PTPRG: variants seen among roughly 807,000 people sequenced by gnomAD.
PTPRG encodes the protein receptor-type tyrosine-protein phosphatase gamma.
Under a neutral mutation model 165.3 loss-of-function variants are expected in PTPRG, and 102 were observed. The observed-to-expected ratio is 0.62, with a 90% CI of 0.53 to 0.73. PTPRG has a LOEUF of 0.73. Ranked by LOEUF, PTPRG falls within the 30% of genes least tolerant of loss-of-function variation. PTPRG has a pLI of 0.00. For synonymous variants in PTPRG, 675 were observed against 669.5 expected, an observed-to-expected ratio of 1.01 and a Z score of -0.13; for missense variants, 1,866 against 1,861.4, an observed-to-expected ratio of 1.00 and a Z score of -0.05.
At chr3:62,005,900 A>G (rs1036853177) in intron 4 of PTPRG, among the ~76,000 whole-genome samples, 4 of 151,712 alleles carry the variant, frequency 2.6e-5, no homozygotes, top group Non-Finnish European at 4.4e-5. Context: ...ACAAGGTTTT[A>G]CCATGTTCGC....
chr3:62,101,417 A>G (rs1184888628), intron 5 of PTPRG, among the ~76,000 whole-genome samples: 1 of 152,258 alleles, frequency 6.6e-6, no homozygotes, highest in Non-Finnish European at 1.5e-5. Context: ...TACCATGCCA[A>G]AGAATAACTG....
At chr3:61,624,150 G>A (rs1315572018) in intron 1 of PTPRG, among the ~76,000 whole-genome samples, 1 of 152,132 alleles carries the variant, frequency 6.6e-6, no homozygotes, top group Non-Finnish European at 1.5e-5. Context: ...CCCTGTCCCA[G>A]TATGGGTTGG....
At chr3:61,680,644 A>G (rs1185516160) in intron 1 of PTPRG, among the ~76,000 whole-genome samples, 3 of 150,422 alleles carry the variant, frequency 2.0e-5, no homozygotes, top group Non-Finnish European at 3.0e-5. Context: ...TCAAGGGGGA[A>G]AAAAAAAAGA....
At chr3:61,932,421 A>G (rs1201911609) in intron 2 of PTPRG, among the ~76,000 whole-genome samples, 1 of 152,246 alleles carries the variant, frequency 6.6e-6, no homozygotes, top group Admixed American at 6.5e-5. Context: ...GGGAACATGT[A>G]GGAGACTATG....
chr3:62,039,042 C>T (rs890269013), intron 4 of PTPRG, among the ~76,000 whole-genome samples: 1 of 152,166 alleles, frequency 6.6e-6, no homozygotes, highest in Non-Finnish European at 1.5e-5. Flanking sequence ...TCAGGCAATT[C>T]TCTTGCTTCA....
At chr3:61,772,283 G>T (rs1374806844) in intron 2 of PTPRG, among the ~76,000 whole-genome samples, 1 of 151,964 alleles carries the variant, frequency 6.6e-6, no homozygotes, top group Non-Finnish European at 1.5e-5. Flanking sequence ...GTTTAGTGTT[G>T]AATGAGGAAT....
At chr3:62,216,427 T>C (rs1700506465) in intron 12 of PTPRG, among the ~76,000 whole-genome samples, 2 of 152,096 alleles carry the variant, frequency 1.3e-5, no homozygotes, top group African/African-American at 4.8e-5. Flanking sequence ...GAGTCCCTCC[T>C]GTACCCAAGG....
At chr3:62,078,353 C>G (rs1247823962) in intron 5 of PTPRG, 95 bp downstream of exon 5, 1 of 746,132 alleles carries the variant, frequency 1.3e-6, no homozygotes, top group Non-Finnish European at 2.2e-6. Context: ...CATCTGTTTT[C>G]TAGTTCACAC....
intron 2 of PTPRG, among the ~76,000 whole-genome samples, chr3:61,778,884 AG>A (rs1004060420): frequency 6.6e-6 from 1 of 152,096 alleles, no homozygotes; most frequent in Non-Finnish European, 1.5e-5. Flanking sequence ...CTAGCATCTG[AG>A]TGCAGACCCT....
intron 2 of PTPRG, among the ~76,000 whole-genome samples, chr3:61,818,937 G>A (rs574196073): frequency 4.0e-5 from 6 of 151,674 alleles, no homozygotes; most frequent in African/African-American, 1.5e-4. Flanking sequence ...TATTTAAAGG[G>A]CCACTATGTT....
At chr3:61,814,886 A>G (rs1299264210) in intron 2 of PTPRG, among the ~76,000 whole-genome samples, 1 of 151,922 alleles carries the variant, frequency 6.6e-6, no homozygotes, top group Non-Finnish European at 1.5e-5. Flanking sequence ...CAACTCTATC[A>G]GGAAGCTAGC....
intron 5 of PTPRG, among the ~76,000 whole-genome samples, chr3:62,099,301 T>C (rs1188190789): frequency 2.0e-5 from 3 of 152,220 alleles, no homozygotes; most frequent in Non-Finnish European, 4.4e-5. Flanking sequence ...TGGAATGTCA[T>C]TTTTTGATTC....
intron 2 of PTPRG, among the ~76,000 whole-genome samples, chr3:61,839,097 A>G (rs1033150035): frequency 1.3e-5 from 2 of 152,228 alleles, no homozygotes; most frequent in African/African-American, 4.8e-5. Context: ...TCTAAAACCA[A>G]CAAGGCATAT....
At chr3:62,283,113 A>ATATC (rs980113119) in intron 28 of PTPRG, among the ~76,000 whole-genome samples, 1 of 152,110 alleles carries the variant, frequency 6.6e-6, no homozygotes, top group African/African-American at 2.4e-5. Flanking sequence ...GGAAAGTATT[A>ATATC]TATCTTAGCC....
At chr3:62,105,004 G>A (rs1702422182) in intron 5 of PTPRG, among the ~76,000 whole-genome samples, 1 of 152,068 alleles carries the variant, frequency 6.6e-6, no homozygotes, top group Admixed American at 6.5e-5. Flanking sequence ...TTTCTTTGCA[G>A]TTTATTATAC....
intron 2 of PTPRG, among the ~76,000 whole-genome samples, chr3:61,933,995 G>C (rs1032894466): frequency 1.3e-5 from 2 of 152,134 alleles, no homozygotes; most frequent in Non-Finnish European, 2.9e-5. Flanking sequence ...TCATGCTTTC[G>C]CTCCTGCACC....
At chr3:61,735,756 T>G (rs1422506812) in intron 1 of PTPRG, among the ~76,000 whole-genome samples, 1 of 152,194 alleles carries the variant, frequency 6.6e-6, no homozygotes, top group Non-Finnish European at 1.5e-5. Context: ...AAAGTCTTTC[T>G]CATTGTGCAG....
At chr3:61,971,459 T>A (rs1374836362) in intron 2 of PTPRG, among the ~76,000 whole-genome samples, 3 of 152,220 alleles carry the variant, frequency 2.0e-5, no homozygotes, top group Non-Finnish European at 4.4e-5. Flanking sequence ...ATATTCCATA[T>A]TTTTGATTAA....
Position 62,168,173 on chromosome 3 carries a change from G to T in PTPRG, c.1033+10G>T, listed in dbSNP as rs369380800. 1 of 1,598,412 alleles carries T rather than the reference G, an allele frequency of 6.3e-7. No individual in the cohort carries two copies. Among genetic ancestry groups the T allele is most frequent in the African/African-American group, 1.4e-5 (1 of 74,008 alleles). ...ACAGAAGCCTCTAAAGGTATATTTG[G>T]CTTAAGTGCCTTGCCCAGAGGAAGA... On this transcript the variant is annotated intron_variant, in intron 8 of 29. Coordinates refer to ENST00000474889, the MANE Select transcript of PTPRG (RefSeq NM_002841.4).
Sources: gnomAD v4.1 joint callset for allele counts (sites outside exome capture counted in the v4.1 genomes callset) on GRCh38, gnomAD v4.1.1 for gene constraint, MANE v1.5 for transcripts, NCBI Gene and HGNC (gene_info 2026-07-23, HGNC 2026-07-21) for gene names.